VRK2: variants seen among roughly 807,000 people sequenced by gnomAD.
VRK2 encodes the protein serine/threonine-protein kinase VRK2.
A neutral mutation model predicts 57.6 loss-of-function variants in VRK2; 60 were observed. The ratio of observed to expected loss-of-function variants is 1.04; its 90% CI spans 0.85 to 1.29. The LOEUF is 1.29. Among genes scored for constraint, VRK2 ranks in the 50% most tolerant of loss-of-function variants. VRK2 has a pLI of 0.00. For synonymous variants in VRK2, 231 were observed against 199.2 expected (o/e 1.16, Z -1.35); for missense variants, 705 against 588.1 (o/e 1.20, Z -2.06).
chr2:58,144,867 C>A (rs1327380632), intron 11 of VRK2, among the ~76,000 whole-genome samples: 1 of 151,876 alleles, frequency 6.6e-6, no homozygotes, highest in Non-Finnish European at 1.5e-5. Flanking sequence ...GGTGTTGTGA[C>A]AATTTAGGCT....
At chr2:58,009,274 T>C (rs1165977479) in intron 1 of VRK2, among the ~76,000 whole-genome samples, 1 of 152,020 alleles carries the variant, frequency 6.6e-6, no homozygotes, top group Admixed American at 6.6e-5. Flanking sequence ...ACATATGATA[T>C]ATCTTGCAGG....
At chr2:58,146,203 C>A in intron 11 of VRK2, 113 bp from the exon 12 acceptor site, 1 of 932,024 alleles carries the variant, frequency 1.1e-6, no homozygotes, top group Non-Finnish European at 1.5e-6. Flanking sequence ...CTCTTTATTT[C>A]CTTTTTTAAA....
At chr2:57,926,271 C>T (rs554634570) in intron 1 of VRK2, among the ~76,000 whole-genome samples, 174 of 151,806 alleles carry the variant, frequency 1.1e-3, no homozygotes, top group African/African-American at 4.1e-3. Context: ...AAGTCTAATG[C>T]TTTTTTGTTG....
intron 1 of VRK2, among the ~76,000 whole-genome samples, chr2:57,992,909 T>C (rs1426833533): frequency 1.3e-5 from 2 of 152,216 alleles, no homozygotes; most frequent in African/African-American, 4.8e-5. Flanking sequence ...AAATTCATGC[T>C]CTCTACAGCC....
At chr2:57,984,969 T>TA (rs140874085) in intron 1 of VRK2, among the ~76,000 whole-genome samples, 9,701 of 150,496 alleles carry the variant, frequency 0.064, 1,029 homozygotes, top group African/African-American at 0.22. Flanking sequence ...ATTTAACAAC[T>TA]AAAAAAAAAT....
At chr2:58,096,885 C>T (rs1249736605) in intron 7 of VRK2, among the ~76,000 whole-genome samples, 2 of 151,428 alleles carry the variant, frequency 1.3e-5, no homozygotes, top group African/African-American at 2.4e-5. Flanking sequence ...TGTTTTTGTT[C>T]TCTTTATTCT....
intron 2 of VRK2, among the ~76,000 whole-genome samples, chr2:58,056,972 A>G (rs1364125400): frequency 6.6e-6 from 1 of 152,174 alleles, no homozygotes; most frequent in Non-Finnish European, 1.5e-5. Flanking sequence ...GGGAGTGTTC[A>G]TAACTTCTCT....
intron 4 of VRK2, 120 bp downstream of exon 4, chr2:58,085,070 G>A: frequency 2.4e-6 from 2 of 847,004 alleles, no homozygotes; most frequent in Non-Finnish European, 3.5e-6. Flanking sequence ...TTATTGTAAA[G>A]TGATACAGTT....
At chr2:57,962,692 A>T (rs1019061469) in intron 1 of VRK2, among the ~76,000 whole-genome samples, 2 of 152,150 alleles carry the variant, frequency 1.3e-5, no homozygotes, top group African/African-American at 4.8e-5. Context: ...TCTATGTCTG[A>T]TATCATCTTA....
intron 1 of VRK2, among the ~76,000 whole-genome samples, chr2:58,005,038 A>G (rs1476260365): frequency 6.6e-6 from 1 of 152,206 alleles, no homozygotes; most frequent in Non-Finnish European, 1.5e-5. Context: ...AAAGAAATGT[A>G]TAAACATTAT....
At chr2:58,076,740 TG>T (rs1392297635) in intron 2 of VRK2, among the ~76,000 whole-genome samples, 2 of 152,012 alleles carry the variant, frequency 1.3e-5, no homozygotes, top group African/African-American at 4.8e-5. Context: ...TCTATGGTTT[TG>T]CTCTCTTTCC....
intron 2 of VRK2, among the ~76,000 whole-genome samples, chr2:58,068,857 T>A (rs1212479127): frequency 6.6e-6 from 1 of 151,904 alleles, no homozygotes; most frequent in Non-Finnish European, 1.5e-5. Flanking sequence ...ATCTTTTAGT[T>A]TCAAAAACAT....
chr2:58,139,651 T>C lies in VRK2; in HGVS notation c.857-15T>C. On this transcript the variant is annotated splice_polypyrimidine_tract_variant and intron_variant, in intron 10 of 12. Transcript: ENST00000340157. ...CCAATTGTGAATGACATGTAAAAAA[T>C]TTAATAATTCACAGGTGAAATAGCC... 1.2e-6 allele frequency: 2 copies of C among 1,601,332 alleles called. No individual in the cohort carries two copies. Among genetic ancestry groups the C allele is most frequent in the Non-Finnish European group, 1.7e-6 (2 of 1,174,700 alleles).
At chr2:58,156,579 GTTTT>G (rs748318359) in intron 12 of VRK2, among the ~76,000 whole-genome samples, 113 of 139,212 alleles carry the variant, frequency 8.1e-4, no homozygotes, top group Non-Finnish European at 1.1e-3. Flanking sequence ...GGGTGGTGGT[GTTTT>G]TTTTGTTTTG....
intron 1 of VRK2, among the ~76,000 whole-genome samples, chr2:57,995,131 G>T (rs1349913447): frequency 6.6e-6 from 1 of 152,224 alleles, no homozygotes; most frequent in East Asian, 1.9e-4. Context: ...TTGCAATGTG[G>T]ACTCTGAGAT....
At chr2:57,971,296 G>A (rs899018581) in intron 1 of VRK2, among the ~76,000 whole-genome samples, 9 of 151,968 alleles carry the variant, frequency 5.9e-5, no homozygotes, top group Admixed American at 1.3e-4. Context: ...GTAAAATGTT[G>A]TATACCATTG....
chr2:58,047,749 C>CTGG (rs145998599), intron 1 of VRK2, among the ~76,000 whole-genome samples: 2 of 151,820 alleles, frequency 1.3e-5, no homozygotes, highest in Non-Finnish European at 2.9e-5. Flanking sequence ...GTGTGCCTAT[C>CTGG]AGGAGGAAGG....
At chr2:57,936,538 T>C (rs1445559759) in intron 1 of VRK2, among the ~76,000 whole-genome samples, 2 of 151,196 alleles carry the variant, frequency 1.3e-5, no homozygotes, top group Non-Finnish European at 2.9e-5. Flanking sequence ...TTTGTTTTTT[T>C]TTTTTTGAGA....
chr2:58,116,240 A>T (rs999616838), intron 7 of VRK2, among the ~76,000 whole-genome samples: 3 of 151,894 alleles, frequency 2.0e-5, no homozygotes, highest in Admixed American at 6.6e-5. Flanking sequence ...CCAAGGAGGG[A>T]GTAGAGGTAT....
Sources: gnomAD v4.1 joint callset for allele counts (sites outside exome capture counted in the v4.1 genomes callset) on GRCh38, gnomAD v4.1.1 for gene constraint, MANE v1.5 for transcripts, NCBI Gene and HGNC (gene_info 2026-07-23, HGNC 2026-07-21) for gene names.